The following CA10 variants were observed in gnomAD, a reference collection of about 807,000 sequenced individuals.
The protein encoded by CA10 is carbonic anhydrase 10 (inactive), also known as carbonic anhydrase-related protein 10.
In CA10, 14 loss-of-function variants were observed where a neutral mutation model predicts 44.2. The ratio of observed to expected loss-of-function variants is 0.32; its 90% CI spans 0.21 to 0.50. The LOEUF is 0.50. Ranked by LOEUF, CA10 falls within the 20% of genes least tolerant of loss-of-function variation. The probability of loss-of-function intolerance (pLI) is 0.99; values close to 1 mark genes in which losing one functional copy is unlikely to be tolerated. For synonymous variants in CA10, 159 were observed against 141.6 expected (o/e 1.12, Z -0.87); for missense variants, 350 against 409.7 (o/e 0.85, Z 1.26).
At chr17:51,922,620 G>A (rs373435504) in intron 3 of CA10, among the ~76,000 whole-genome samples, 171 of 152,126 alleles carry the variant, frequency 1.1e-3, no homozygotes, top group Non-Finnish European at 1.6e-3. Context: ...CTGCCACTTC[G>A]ATATCTTTAG....
At chr17:52,078,624 A>C (rs1987880661) in intron 1 of CA10, among the ~76,000 whole-genome samples, 1 of 152,240 alleles carries the variant, frequency 6.6e-6, no homozygotes. Flanking sequence ...AAACAACATA[A>C]GTTGGAAGGT....
At chr17:51,970,017 C>A (rs1984223061) in intron 2 of CA10, among the ~76,000 whole-genome samples, 1 of 151,886 alleles carries the variant, frequency 6.6e-6, no homozygotes, top group African/African-American at 2.4e-5. Flanking sequence ...AATATAAGCT[C>A]AAAGAATAGC....
chr17:52,056,337 A>G (rs959069778), intron 2 of CA10, among the ~76,000 whole-genome samples: 9 of 152,028 alleles, frequency 5.9e-5, no homozygotes, highest in Admixed American at 5.2e-4. Context: ...CAAAAATCAT[A>G]AGTCACCATG....
At position 52,097,074 on chromosome 17, in the gene CA10, G is replaced by A. The variant is rs149070845; in HGVS notation, c.62-24681C>T. ...AAATTATGCTGCAATGAATATCCTT[G>A]TGTAGATCTCATTGTTTATGAACTA... On this transcript the variant is annotated intron_variant, in intron 1 of 8. Transcript: ENST00000451037. Among the ~76,000 whole-genome samples, 111 of 152,136 alleles carry A rather than the reference G, an allele frequency of 7.3e-4. 1 individual carries two copies. The highest frequency in any genetic ancestry group is 2.5e-3 in the African/African-American group (103 of 41,504).
chr17:51,682,402 T>G lies in CA10; in HGVS notation c.466-28666A>C, dbSNP rs543645684. On this transcript the variant is annotated intron_variant, in intron 4 of 8. Transcript: ENST00000451037. ...TTTATCTCAGGGGATGTGGTTTGGT[T>G]GACAAGACTGATTATATGGGGTTTA... Among the ~76,000 whole-genome samples, 10 of 152,284 alleles carry G rather than the reference T, an allele frequency of 6.6e-5. No individual in the cohort carries two copies. The South Asian group carries it at 2.1e-3, about 32-fold the overall frequency.
At chr17:51,824,123 T>C (rs1224677353) in intron 3 of CA10, among the ~76,000 whole-genome samples, 2 of 152,234 alleles carry the variant, frequency 1.3e-5, no homozygotes, top group African/African-American at 4.8e-5. Context: ...AATAACATAA[T>C]AGGTGCTCAA....
At chr17:52,011,110 T>C (rs755976220) in intron 2 of CA10, among the ~76,000 whole-genome samples, 11 of 151,974 alleles carry the variant, frequency 7.2e-5, no homozygotes, top group African/African-American at 4.8e-5. Flanking sequence ...AACTGGGAAT[T>C]GTATTGTGGA....
chr17:52,089,212 A>G (rs960278760), intron 1 of CA10, among the ~76,000 whole-genome samples: 1 of 152,174 alleles, frequency 6.6e-6, no homozygotes, highest in African/African-American at 2.4e-5. Flanking sequence ...ATACACCAAT[A>G]TTGACCTTAA....
At chr17:51,947,749 A>G (rs1983338668) in intron 2 of CA10, among the ~76,000 whole-genome samples, 1 of 152,032 alleles carries the variant, frequency 6.6e-6, no homozygotes, top group African/African-American at 2.4e-5. Flanking sequence ...CACCTTGACA[A>G]TCCTGAGATG....
chr17:51,748,555 A>G (rs935169401), intron 3 of CA10: 4 of 192,098 alleles, frequency 2.1e-5, no homozygotes, highest in African/African-American at 1.2e-4. Flanking sequence ...GACCTCAACA[A>G]CAATTGATTC....
chr17:52,142,420 GC>G (rs1165284490), intron 1 of CA10, among the ~76,000 whole-genome samples: 1 of 152,074 alleles, frequency 6.6e-6, no homozygotes, highest in African/African-American at 2.4e-5. Flanking sequence ...CATTTATTAA[GC>G]CATTATTATG....
chr17:51,896,716 TC>T (rs1420326812), intron 3 of CA10, among the ~76,000 whole-genome samples: 1 of 152,110 alleles, frequency 6.6e-6, no homozygotes, highest in Non-Finnish European at 1.5e-5. Flanking sequence ...GTATAAGCAT[TC>T]CCTTTTCTCT....
At chr17:51,757,511 G>A (rs1186199516) in intron 3 of CA10, among the ~76,000 whole-genome samples, 1 of 152,174 alleles carries the variant, frequency 6.6e-6, no homozygotes, top group African/African-American at 2.4e-5. Flanking sequence ...CCCACTGAGT[G>A]TTTCTTGCTT....
intron 3 of CA10, among the ~76,000 whole-genome samples, chr17:51,764,317 A>G (rs1487196733): frequency 6.6e-6 from 1 of 152,076 alleles, no homozygotes; most frequent in African/African-American, 2.4e-5. Context: ...TTGAAACCCC[A>G]CAGGCTTGGT....
intron 6 of CA10, among the ~76,000 whole-genome samples, chr17:51,642,617 A>G (rs547059999): frequency 1.3e-5 from 2 of 152,292 alleles, no homozygotes; most frequent in Non-Finnish European, 2.9e-5. Context: ...GAGGAAATAC[A>G]TTAGGACAAT....
At chr17:51,987,853 C>CA (rs111512308) in intron 2 of CA10, among the ~76,000 whole-genome samples, 19,248 of 151,588 alleles carry the variant, frequency 0.13, 1,259 homozygotes, top group South Asian at 0.23. Flanking sequence ...ACTTGCCATG[C>CA]AAAAAATGTG....
intron 1 of CA10, among the ~76,000 whole-genome samples, chr17:52,110,078 C>T (rs1988757871): frequency 1.3e-5 from 2 of 152,182 alleles, no homozygotes; most frequent in African/African-American, 2.4e-5. Context: ...AGACTAGACA[C>T]CGGCATGAGT....
intron 3 of CA10, among the ~76,000 whole-genome samples, chr17:51,891,778 T>G (rs767915788): frequency 3.3e-5 from 5 of 152,138 alleles, no homozygotes; most frequent in Non-Finnish European, 7.4e-5. Context: ...ACAGGTAGCT[T>G]TCACTCTCAC....
intron 3 of CA10, among the ~76,000 whole-genome samples, chr17:51,818,792 T>C (rs1442243394): frequency 6.6e-6 from 1 of 152,232 alleles, no homozygotes; most frequent in Non-Finnish European, 1.5e-5. Flanking sequence ...ATTTCCCTCC[T>C]GCAGATTCTT....
Sources: gnomAD v4.1 joint callset for allele counts (sites outside exome capture counted in the v4.1 genomes callset) on GRCh38, gnomAD v4.1.1 for gene constraint, MANE v1.5 for transcripts, NCBI Gene and HGNC (gene_info 2026-07-23, HGNC 2026-07-21) for gene names.